The following CFAP36 variants were observed in gnomAD, a reference collection of about 807,000 sequenced individuals.
CFAP36 encodes the protein cilia and flagella associated protein 36, also known as cilia- and flagella-associated protein 36.
Under a neutral mutation model 50.5 loss-of-function variants are expected in CFAP36, and 37 were observed. That is an observed-to-expected ratio of 0.73 (90% CI 0.56 to 0.96). The LOEUF is 0.96. Ranked by LOEUF, CFAP36 falls within the 50% of genes least tolerant of loss-of-function variation. The probability of loss-of-function intolerance (pLI) is 0.00; values close to 1 mark genes in which losing one functional copy is unlikely to be tolerated. For synonymous variants in CFAP36, 138 were observed against 128.2 expected, an observed-to-expected ratio of 1.08 and a Z score of -0.52; for missense variants, 407 against 396.2, an observed-to-expected ratio of 1.03 and a Z score of -0.23.
chr2:55,544,135 C>G (rs1684712795), intron 8 of CFAP36, 61 bp downstream of exon 8: 1 of 1,608,596 alleles, frequency 6.2e-7, no homozygotes, highest in East Asian at 2.2e-5. Flanking sequence ...GGAAATCAAA[C>G]TTCGAATTGA....
chr2:55,521,494 C>T (rs570158973), intron 1 of CFAP36, among the ~76,000 whole-genome samples: 93 of 151,946 alleles, frequency 6.1e-4, no homozygotes, highest in African/African-American at 2.1e-3. Context: ...ATTATTGCCT[C>T]ATATTGATTG....
intron 6 of CFAP36, among the ~76,000 whole-genome samples, chr2:55,536,847 C>T (rs1258340641): frequency 6.6e-6 from 1 of 151,558 alleles, no homozygotes; most frequent in Non-Finnish European, 1.5e-5. Context: ...CAGGCTCAAG[C>T]GATTCTCGTG....
intron 7 of CFAP36, among the ~76,000 whole-genome samples, chr2:55,538,376 C>A (rs1684548005): frequency 6.8e-6 from 1 of 147,674 alleles, no homozygotes. Context: ...CTCACCATAA[C>A]CTCCACTTCC....
rs895716677 is a variant in CFAP36 at position 55,528,399 on chromosome 2, A to AT, written c.283-466dup. ...ATCACAATACTGATCCTTTTGAAAA[A>AT]TTTTTTTTTTTTTGAGACGGAGTCT... On this transcript the variant is annotated intron_variant, in intron 3 of 9. Transcript: ENST00000349456. Among the ~76,000 whole-genome samples, 721 of 144,938 alleles carry AT rather than the reference A, an allele frequency of 5.0e-3. 5 individuals are homozygous for AT. The highest frequency in any genetic ancestry group is 0.035 in the Middle Eastern group (10 of 284).
At chr2:55,526,469 TC>T (rs1237435858) in intron 3 of CFAP36, among the ~76,000 whole-genome samples, 1 of 152,118 alleles carries the variant, frequency 6.6e-6, no homozygotes, top group African/African-American at 2.4e-5. Context: ...TGAGACAGAG[TC>T]TTTCTCTGCC....
intron 2 of CFAP36, among the ~76,000 whole-genome samples, chr2:55,523,115 A>AAAT (rs1684115958): frequency 6.7e-6 from 1 of 149,754 alleles, no homozygotes; most frequent in African/African-American, 2.4e-5. Context: ...AAAAAAAGAA[A>AAAT]GAAAGAAAGA....
At chr2:55,536,035 A>G (rs1684475840) in intron 6 of CFAP36, 3 of 502,720 alleles carry the variant, frequency 6.0e-6, no homozygotes, top group Non-Finnish European at 9.2e-6. Context: ...GCATATAAGC[A>G]AGAGTAGTCA....
At position 55,544,385 on chromosome 2, in the gene CFAP36, A is replaced by G. The variant is rs774167318; in HGVS notation, c.927+16A>G. The G allele has an allele frequency of 1.3e-5, 21 of 1,584,692 alleles. No individual in the cohort carries two copies. Among genetic ancestry groups the G allele is most frequent in the Middle Eastern group, 1.7e-4 (1 of 5,918 alleles). On this transcript the variant is annotated intron_variant, in intron 9 of 9. Coordinates refer to ENST00000349456, the MANE Select transcript of CFAP36 (RefSeq NM_080667.7). ...GGAGGTAGAGGTATGGCTAGCCTTAATATGTCAAGATTTACAAATCTGGTG... is the reference window on the plus strand; with the variant it reads ...GGAGGTAGAGGTATGGCTAGCCTTAGTATGTCAAGATTTACAAATCTGGTG...
At chr2:55,527,469 C>A (rs1684239120) in intron 3 of CFAP36, among the ~76,000 whole-genome samples, 1 of 152,126 alleles carries the variant, frequency 6.6e-6, no homozygotes, top group Non-Finnish European at 1.5e-5. Flanking sequence ...GTAATCCCAG[C>A]TACTCAGGAG....
At chr2:55,533,362 G>T (rs1684400256) in intron 4 of CFAP36, among the ~76,000 whole-genome samples, 1 of 152,110 alleles carries the variant, frequency 6.6e-6, no homozygotes, top group South Asian at 2.1e-4. Flanking sequence ...AAAGTGTGGG[G>T]TTTTTGGTGG....
chr2:55,523,585 A>G (rs41281507), intron 2 of CFAP36, 136 bp from the exon 3 acceptor site: 48,924 of 495,874 alleles, frequency 0.099, 2,856 homozygotes, highest in South Asian at 0.14. Flanking sequence ...GTGAAAGACA[A>G]TGTCACTGTC....
At position 55,519,929 on chromosome 2, in the gene CFAP36, G is replaced by T; in HGVS notation, c.115+13G>T. The T allele has an allele frequency of 1.9e-6, 3 of 1,611,976 alleles. No individual in the cohort carries two copies. Among genetic ancestry groups the T allele is most frequent in the Non-Finnish European group, 2.5e-6 (3 of 1,178,012 alleles). ...CAGAAATGTGAAGGTAAAAACCAGA[G>T]CCCGAACCGACAATCCTTTTCTCCT... On this transcript the variant is annotated intron_variant, in intron 1 of 9. Transcript: ENST00000349456.
At chr2:55,537,715 A>C in intron 7 of CFAP36, 130 bp downstream of exon 7, 1 of 631,020 alleles carries the variant, frequency 1.6e-6, no homozygotes, top group East Asian at 3.0e-5. Flanking sequence ...TTTGGTATTT[A>C]ACGTTCTTTG....
At chr2:55,541,803 TA>T (rs917935751) in intron 7 of CFAP36, among the ~76,000 whole-genome samples, 2 of 151,658 alleles carry the variant, frequency 1.3e-5, no homozygotes, top group African/African-American at 4.9e-5. Flanking sequence ...AGAAACCTTC[TA>T]ATTTCTCACC....
At position 55,544,978 on chromosome 2, in the gene CFAP36, G is replaced by GA; in HGVS notation, c.1002dup (p.Leu335ThrfsTer7). 6.3e-7 allele frequency: 1 copy of GA among 1,596,826 alleles called. No homozygotes were observed. The highest frequency in any genetic ancestry group is 8.5e-7 in the Non-Finnish European group (1 of 1,170,172). ...TACTAAAGAGGAGATTGCTTGCAGA[G>GA]AAACTCAAAGAAGAAGTTATTAATA... On this transcript the variant is annotated frameshift_variant, in exon 10 of 10. Coordinates refer to ENST00000349456, the MANE Select transcript of CFAP36 (RefSeq NM_080667.7). LOFTEE classifies it high-confidence loss of function.
Position 55,545,012 on chromosome 2 carries a change from T to C in CFAP36, c.*4T>C. ...AGAAGAAGTTATTAATAAGTAATAA[T>C]TAAGAACAATTTAACAAAATGGAAG... On this transcript the variant is annotated 3_prime_UTR_variant, in exon 10 of 10. Coordinates refer to ENST00000349456, the MANE Select transcript of CFAP36 (RefSeq NM_080667.7). The C allele has an allele frequency of 6.8e-7, 1 of 1,478,186 alleles. No homozygotes were observed. The highest frequency in any genetic ancestry group is 9.3e-7 in the Non-Finnish European group (1 of 1,078,254). 91.6% of individuals were successfully genotyped at this position (1,478,186 alleles called of 1,614,324 possible).
At chr2:55,521,591 A>ATGTGTG (rs1432644386) in intron 1 of CFAP36, among the ~76,000 whole-genome samples, 1 of 126,366 alleles carries the variant, frequency 7.9e-6, no homozygotes, top group African/African-American at 2.9e-5. Context: ...AATTAATAGT[A>ATGTGTG]TATATGTGTG....
chr2:55,528,260 C>G (rs764155992), intron 3 of CFAP36, among the ~76,000 whole-genome samples: 1 of 150,898 alleles, frequency 6.6e-6, no homozygotes, highest in Non-Finnish European at 1.5e-5. Context: ...AAACAAATGC[C>G]CCTCTTTATT....
intron 7 of CFAP36, among the ~76,000 whole-genome samples, chr2:55,540,165 G>A (rs190289639): frequency 6.6e-4 from 100 of 152,204 alleles, no homozygotes; most frequent in African/African-American, 1.9e-3. Flanking sequence ...GTCTTTCATA[G>A]GGTGTGCCTT....
Sources: gnomAD v4.1 joint callset for allele counts (sites outside exome capture counted in the v4.1 genomes callset) on GRCh38, gnomAD v4.1.1 for gene constraint, MANE v1.5 for transcripts, NCBI Gene and HGNC (gene_info 2026-07-23, HGNC 2026-07-21) for gene names.